Variants in SNRPB2 observed in about 807,000 individuals in gnomAD.
SNRPB2 encodes U2 small nuclear ribonucleoprotein B''.
In SNRPB2, 16 loss-of-function variants were observed where a neutral mutation model predicts 26.3. That is an observed-to-expected ratio of 0.61 (90% confidence interval 0.41 to 0.92). The LOEUF is 0.92. SNRPB2 is among the 40% of genes least tolerant of loss of function. The probability of loss-of-function intolerance (pLI) is 0.00; values close to 1 mark genes in which losing one functional copy is unlikely to be tolerated. For synonymous variants in SNRPB2, 75 were observed against 89.0 expected, an observed-to-expected ratio of 0.84 and a Z score of 0.88; for missense variants, 179 against 268.1, an observed-to-expected ratio of 0.67 and a Z score of 2.32.
chr20:16,734,237 G>A (rs1257254524), intron 3 of SNRPB2, among the ~76,000 whole-genome samples: 2 of 152,114 alleles, frequency 1.3e-5, no homozygotes, highest in African/African-American at 4.8e-5. Flanking sequence ...ATTTTGGGAG[G>A]TCTATTCTTT....
chr20:16,734,693 A>C (rs1402047019), intron 3 of SNRPB2, among the ~76,000 whole-genome samples: 5 of 152,160 alleles, frequency 3.3e-5, no homozygotes, highest in Non-Finnish European at 1.5e-5. Flanking sequence ...CCTGGCCTCT[A>C]CCCACAGGAT....
Position 16,738,897 on chromosome 20 carries a change from C to A in SNRPB2, c.424C>A (p.Pro142Thr). The change falls in exon 5 of 7, where the codon CCT becomes ACT. Residue 142 changes from proline (P) to threonine (T), a missense_variant. Coordinates refer to ENST00000246071, the MANE Select transcript of SNRPB2 (RefSeq NM_003092.5). ...ANTQGNSTPN[P>T]QVPDYPPNYI... The stretch of plus-strand genomic sequence containing the variant: ...TACCCAAGGAAATTCAACACCAAAT[C>A]CTCAGGTAATTTTTTTTCCATGTCG... 6.2e-7 allele frequency: 1 copy of A among 1,602,924 alleles called. No individual in the cohort carries two copies. The highest frequency in any genetic ancestry group is 8.5e-7 in the Non-Finnish European group (1 of 1,170,152).
intron 3 of SNRPB2, among the ~76,000 whole-genome samples, chr20:16,736,436 G>A (rs966260041): frequency 2.0e-5 from 3 of 151,820 alleles, no homozygotes; most frequent in African/African-American, 7.3e-5. Flanking sequence ...AAAAAGTTAC[G>A]ATGCAAAAAA....
intron 3 of SNRPB2, 28 bp from the exon 4 acceptor site, chr20:16,737,233 G>A (rs766589892): frequency 1.6e-5 from 25 of 1,552,616 alleles, no homozygotes; most frequent in Admixed American, 1.1e-4. Flanking sequence ...AGCATGAGAA[G>A]TAACCTGTTT....
At position 16,742,077 on chromosome 20, in the gene SNRPB2, CAG is replaced by C. The variant is rs1168988832; in HGVS notation, c.*1073_*1074del. 1 of 152,132 alleles carries C rather than the reference CAG, an allele frequency of 6.6e-6. No individual in the cohort carries two copies. Among genetic ancestry groups the C allele is most frequent in the Non-Finnish European group, 1.5e-5 (1 of 68,032 alleles). 9.4% of individuals were successfully genotyped at this position (152,132 alleles called of 1,614,324 possible). ...GGAAAGACTTTTAGACTTACGTAGA[CAG>C]TATCACATCACTCTTATGCATACAT... On this transcript the variant is annotated 3_prime_UTR_variant, in exon 7 of 7. Transcript: ENST00000246071.
At position 16,737,355 on chromosome 20, in the gene SNRPB2, A is replaced by G. The variant is rs957693215; in HGVS notation, c.332A>G (p.Lys111Arg). 3 of 1,607,142 alleles carry G rather than the reference A, an allele frequency of 1.9e-6. No homozygotes were observed. Among genetic ancestry groups the G allele is most frequent in the Non-Finnish European group, 2.5e-6 (3 of 1,178,470 alleles). The change falls in exon 4 of 7, where the codon AAA (lysine) becomes AGA (arginine). Residue 111 changes from lysine (K) to arginine (R), a missense_variant. Physicochemically the swap from Lys to Arg is conservative, Grantham distance 26 (BLOSUM62 2). Coordinates refer to ENST00000246071, the MANE Select transcript of SNRPB2 (RefSeq NM_003092.5). ...KEKKKEKKKAKTVEQTATTTN... is the reference protein window; with the variant it reads ...KEKKKEKKKARTVEQTATTTN... ...AAGAAAAAAGAAAAGAAAAAAGCCA[A>G]AACTGTGGAACAGACTGCAACAACC...
chr20:16,737,323 CAAAGA>C lies in SNRPB2; in HGVS notation c.309_313del (p.Lys104ArgfsTer28). The C allele has an allele frequency of 6.2e-7, 1 of 1,601,988 alleles. No homozygotes were observed. The highest frequency in any genetic ancestry group is 8.5e-7 in the Non-Finnish European group (1 of 1,175,414). On this transcript the variant is annotated frameshift_variant, in exon 4 of 7. Transcript: ENST00000246071. LOFTEE classifies it high-confidence loss of function. ...CAAAAATGCGTGGAACTTTTGCTGA[CAAAGA>C]AAAGAAAAAAGAAAAGAAAAAAGCC...
chr20:16,732,307 C>T lies in SNRPB2; in HGVS notation c.208C>T (p.Gln70Ter), dbSNP rs888630608. 6.3e-7 allele frequency: 1 copy of T among 1,585,878 alleles called. No individual in the cohort carries two copies. Among genetic ancestry groups the T allele is most frequent in the Non-Finnish European group, 8.6e-7 (1 of 1,168,978 alleles). ...GSSTNALRQL[Q>*]GFPFYGKPMR... ...ATCCACAAATGCCTTGAGACAGCTA[C>T]AAGGATTTCCATTTTATGGTAAACC... Residue 70 changes from glutamine (Q) to a stop codon, truncating the protein, a stop_gained, in exon 3 of 7, where the codon CAA becomes TAA. Transcript: ENST00000246071. LOFTEE classifies it high-confidence loss of function.
rs963269719 is a variant in SNRPB2, at chr20:16,741,538, C to T, written c.*533C>T. On this transcript the variant is annotated 3_prime_UTR_variant, in exon 7 of 7. Coordinates refer to ENST00000246071, the MANE Select transcript of SNRPB2 (RefSeq NM_003092.5). ...TATTTTGCTGCTAGTAGGGATTCCA[C>T]AAGTTTTCTTCATTCAGTATTAAAT... 2.0e-5 allele frequency: 3 copies of T among 152,194 alleles called. No homozygotes were observed. The highest frequency in any genetic ancestry group is 7.2e-5 in the African/African-American group (3 of 41,452). 9.4% of individuals were successfully genotyped at this position (152,194 alleles called of 1,614,324 possible).
At chr20:16,734,932 C>G (rs2072415596) in intron 3 of SNRPB2, among the ~76,000 whole-genome samples, 1 of 152,176 alleles carries the variant, frequency 6.6e-6, no homozygotes, top group African/African-American at 2.4e-5. Context: ...TGAGGGAACC[C>G]TTAGGACCAA....
chr20:16,736,059 C>T (rs2072424401), intron 3 of SNRPB2, among the ~76,000 whole-genome samples: 1 of 152,152 alleles, frequency 6.6e-6, no homozygotes, highest in African/African-American at 2.4e-5. Context: ...CTTATAGCAG[C>T]TTTATTCCTA....
intron 3 of SNRPB2, among the ~76,000 whole-genome samples, chr20:16,733,355 C>T (rs919398229): frequency 1.3e-5 from 2 of 152,210 alleles, no homozygotes; most frequent in Non-Finnish European, 2.9e-5. Context: ...TAAGAAAATT[C>T]ATGTAGGCCA....
At chr20:16,737,490 G>A (rs778340696) in intron 4 of SNRPB2, 89 bp downstream of exon 4, 20 of 1,201,990 alleles carry the variant, frequency 1.7e-5, no homozygotes, top group Non-Finnish European at 2.3e-5. Flanking sequence ...TCTTAGGCTT[G>A]TCTGTATATG....
Position 16,731,747 on chromosome 20 carries a change from T to C in SNRPB2, c.45T>C (p.Asn15=), listed in dbSNP as rs1252467258. 1.9e-6 allele frequency: 3 copies of C among 1,612,380 alleles called. No individual in the cohort carries two copies. Among genetic ancestry groups the C allele is most frequent in the South Asian group, 1.1e-5 (1 of 91,008 alleles). The change falls in exon 2 of 7, where the codon AAT becomes AAC. Residue 15 remains asparagine, a synonymous_variant. Coordinates refer to ENST00000246071, the MANE Select transcript of SNRPB2 (RefSeq NM_003092.5). ...ATACAATTTATATCAACAATATGAA[T>C]GACAAAATTAAAAAGGAAGGTAAGT... ...PNHTIYINNM[N]DKIKKEELKR...
intron 5 of SNRPB2, 30 bp downstream of exon 5, chr20:16,738,932 TAA>T (rs764925057): frequency 2.1e-6 from 3 of 1,458,448 alleles, no homozygotes; most frequent in Admixed American, 3.4e-5. Flanking sequence ...GTGCTTACCT[TAA>T]AATAAGATTG....
chr20:16,731,096 A>C (rs1292941326), intron 1 of SNRPB2: 2 of 152,508 alleles, frequency 1.3e-5, no homozygotes, highest in African/African-American at 4.8e-5. Flanking sequence ...ATTTGAATTC[A>C]CATCTGGCTG....
intron 3 of SNRPB2, among the ~76,000 whole-genome samples, chr20:16,734,977 T>C (rs1230455925): frequency 1.3e-5 from 2 of 152,184 alleles, no homozygotes; most frequent in African/African-American, 4.8e-5. Context: ...GCCTGTCTCC[T>C]TTTGGTTAGA....
At chr20:16,737,504 A>G in intron 4 of SNRPB2, 103 bp downstream of exon 4, 1 of 1,016,894 alleles carries the variant, frequency 9.8e-7, no homozygotes, top group Non-Finnish European at 1.4e-6. Context: ...GTATATGTGC[A>G]TAAATGTGTG....
rs1256259195 is a variant in SNRPB2, at chr20:16,732,156, T to A, written c.65-8T>A. On this transcript the variant is annotated splice_region_variant and splice_polypyrimidine_tract_variant and intron_variant, in intron 2 of 6. Transcript: ENST00000246071. ...ACCAATAACTTGTTTCTTTTCTAATTTGGACAGAATTGAAGAGATCCCTAT... is the reference window on the plus strand; with the variant it reads ...ACCAATAACTTGTTTCTTTTCTAATATGGACAGAATTGAAGAGATCCCTAT... 6.5e-7 allele frequency: 1 copy of A among 1,541,244 alleles called. No homozygotes were observed. The highest frequency in any genetic ancestry group is 2.3e-5 in the East Asian group (1 of 43,372).
Sources: gnomAD v4.1 joint callset for allele counts (sites outside exome capture counted in the v4.1 genomes callset) on GRCh38, gnomAD v4.1.1 for gene constraint, MANE v1.5 for transcripts, NCBI Gene and HGNC (gene_info 2026-07-23, HGNC 2026-07-21) for gene names.